Variants in CD1B observed in about 807,000 individuals in gnomAD.
CD1B encodes the protein CD1b molecule.
A neutral mutation model predicts 39.8 loss-of-function variants in CD1B; 43 were observed. That is an observed-to-expected ratio of 1.08 (90% CI 0.85 to 1.39). CD1B has a LOEUF of 1.39. Among genes scored for constraint, CD1B ranks in the 40% most tolerant of loss-of-function variants. CD1B has a pLI of 0.00. For missense variants in CD1B, 495 were observed against 403.8 expected (o/e 1.23, Z -1.94); for synonymous variants, 192 against 152.5 (o/e 1.26, Z -1.91).
chr1:158,313,322 T>C, the CD1B span, among the ~76,000 whole-genome samples: 1 of 148,462 alleles, frequency 6.7e-6, no homozygotes, highest in Non-Finnish European at 1.5e-5. Context: ...TTTTATTTTA[T>C]TTTTTTGAGA....
At chr1:158,311,277 A>G in the CD1B span, among the ~76,000 whole-genome samples, 2 of 152,128 alleles carry the variant, frequency 1.3e-5, no homozygotes, top group African/African-American at 4.8e-5. Flanking sequence ...CCTACTGATT[A>G]GTCATGTTGA....
the CD1B span, among the ~76,000 whole-genome samples, chr1:158,305,726 T>A: frequency 2.0e-5 from 3 of 152,314 alleles, no homozygotes; most frequent in Admixed American, 6.5e-5. Context: ...GACTAACAGC[T>A]GATCTCTCAG....
the CD1B span, among the ~76,000 whole-genome samples, chr1:158,303,763 A>C: frequency 2.8e-4 from 42 of 152,344 alleles, 1 homozygote; most frequent in South Asian, 8.3e-3. Flanking sequence ...CTGCTAAAAA[A>C]TCAGAGATTA....
At chr1:158,327,694 G>C (rs1652405706), downstream of CD1B, among the ~76,000 whole-genome samples, 1 of 152,200 alleles carries the variant, frequency 6.6e-6, no homozygotes, top group Non-Finnish European at 1.5e-5. Flanking sequence ...TGAGTAAAGT[G>C]TAAAGTGGAT....
the CD1B span, chr1:158,292,932 G>T: frequency 6.4e-7 from 1 of 1,561,654 alleles, no homozygotes; most frequent in Non-Finnish European, 8.7e-7. Flanking sequence ...GGTTAGGGGA[G>T]AGGAAATTTT....
At chr1:158,303,421 T>C in the CD1B span, among the ~76,000 whole-genome samples, 1 of 152,150 alleles carries the variant, frequency 6.6e-6, no homozygotes, top group Admixed American at 6.6e-5. Context: ...ATACTGGAAG[T>C]CCTAGCCAGA....
At chr1:158,287,801 A>C in the CD1B span, among the ~76,000 whole-genome samples, 4 of 152,216 alleles carry the variant, frequency 2.6e-5, no homozygotes, top group Non-Finnish European at 4.4e-5. Flanking sequence ...AACACAATGA[A>C]GTTTATTTCT....
chr1:158,301,451 C>T, the CD1B span, among the ~76,000 whole-genome samples: 97 of 152,246 alleles, frequency 6.4e-4, no homozygotes, highest in Non-Finnish European at 1.1e-3. Flanking sequence ...ATGTTTAGTG[C>T]TTCCTTCAGG....
chr1:158,329,405 C>A lies in CD1B; in HGVS notation c.851G>T (p.Ser284Ile). ...AAGLSCRVKH[S>I]SLEGQDIILY... ...GATGATGTCCTGGCCCTCTAAACTG[C>A]TGTGCTTCACCCGACAGGACAGGCC... The change falls in exon 4 of 6, where the codon AGC becomes ATC. Residue 284 changes from serine to isoleucine, a missense_variant. Ser to Ile is a moderately radical substitution (Grantham distance 142, BLOSUM62 -2). Transcript: ENST00000368168. The A allele has an allele frequency of 6.2e-7, 1 of 1,614,158 alleles. No individual in the cohort carries two copies. Among genetic ancestry groups the A allele is most frequent in the Non-Finnish European group, 8.5e-7 (1 of 1,180,024 alleles).
chr1:158,299,279 G>T, the CD1B span, among the ~76,000 whole-genome samples: 1 of 152,090 alleles, frequency 6.6e-6, no homozygotes, highest in Non-Finnish European at 1.5e-5. Flanking sequence ...TAATGATGTG[G>T]TTTTTTTCTT....
chr1:158,286,594 A>C, the CD1B span, among the ~76,000 whole-genome samples: 1 of 152,240 alleles, frequency 6.6e-6, no homozygotes, highest in African/African-American at 2.4e-5. Context: ...ACACACCGGC[A>C]GGGACTGTGG....
the CD1B span, among the ~76,000 whole-genome samples, chr1:158,319,130 C>G: frequency 6.6e-6 from 1 of 151,058 alleles, no homozygotes. Flanking sequence ...GTGAATCTGA[C>G]AATTATGTGT....
chr1:158,288,886 T>C, the CD1B span, among the ~76,000 whole-genome samples: 1 of 152,226 alleles, frequency 6.6e-6, no homozygotes, highest in East Asian at 1.9e-4. Flanking sequence ...AAATCAAACA[T>C]TGACAAATGC....
the CD1B span, among the ~76,000 whole-genome samples, chr1:158,305,638 C>T: frequency 1.3e-5 from 2 of 152,042 alleles, no homozygotes; most frequent in Admixed American, 1.3e-4. Flanking sequence ...GTCAGATTCA[C>T]CAAAGTTGAA....
the CD1B span, chr1:158,292,048 G>A: frequency 1.3e-6 from 2 of 1,572,686 alleles, no homozygotes; most frequent in Non-Finnish European, 8.6e-7. Context: ...TCACTTTTTT[G>A]TTTGAACTCT....
chr1:158,316,661 C>T, the CD1B span, among the ~76,000 whole-genome samples: 2 of 150,792 alleles, frequency 1.3e-5, no homozygotes, highest in South Asian at 2.1e-4. Context: ...CCTTCTCCTG[C>T]CTAATTGCCC....
At chr1:158,311,652 C>G in the CD1B span, among the ~76,000 whole-genome samples, 1 of 152,070 alleles carries the variant, frequency 6.6e-6, no homozygotes, top group South Asian at 2.1e-4. Context: ...AAGTCTTTAA[C>G]CCATCTTCAT....
At chr1:158,311,362 A>C in the CD1B span, among the ~76,000 whole-genome samples, 2 of 152,108 alleles carry the variant, frequency 1.3e-5, no homozygotes, top group East Asian at 3.9e-4. Flanking sequence ...TTGCCCTTTA[A>C]AATTTAAATA....
rs11806249 is a variant in CD1B at position 158,329,509 on chromosome 1, C to T, written c.747G>A (p.Gln249=). 3,476 of 1,614,138 alleles carry T rather than the reference C, an allele frequency of 2.2e-3. 60 individuals carry two copies. In the African/African-American group the frequency reaches 0.041, roughly 19 times the overall value. The change falls in exon 4 of 6, where the codon CAG becomes CAA. Residue 249 remains glutamine (Q), a synonymous_variant. Coordinates refer to ENST00000368168, the MANE Select transcript of CD1B (RefSeq NM_001764.3). ...MRGEQEQQGT[Q]LGDILPNANW... ...TAGCATTGGGCAGGATGTCCCCTAG[C>T]TGAGTGCCCTGCTGCTCCTGCTCAC...
Sources: allele counts gnomAD v4.1 joint callset (sites outside exome capture counted in the v4.1 genomes callset), GRCh38; gene constraint gnomAD v4.1.1; transcripts MANE v1.5; gene names NCBI Gene and HGNC (gene_info 2026-07-23, HGNC 2026-07-21).